PEX5L: variants seen among roughly 807,000 people sequenced by gnomAD.
PEX5L encodes PEX5-related protein.
A neutral mutation model predicts 84.0 loss-of-function variants in PEX5L; 30 were observed. The ratio of observed to expected loss-of-function variants is 0.36; its 90% confidence interval spans 0.27 to 0.48. The LOEUF (loss-of-function observed/expected upper bound fraction) is 0.48, where lower values mean the gene tolerates loss of function less well. Among genes scored for constraint, PEX5L ranks in the 20% least tolerant of loss-of-function variants. The pLI is 0.99. For missense variants in PEX5L, 533 were observed against 754.6 expected (o/e 0.71, Z 3.44); for synonymous variants, 270 against 283.1 (o/e 0.95, Z 0.46).
chr3:179,914,840 A>T (rs1766458291), intron 2 of PEX5L, among the ~76,000 whole-genome samples: 1 of 152,236 alleles, frequency 6.6e-6, no homozygotes, highest in Admixed American at 6.5e-5. Context: ...GCCATGGGAC[A>T]TTTTTATAAT....
At chr3:179,893,196 A>G (rs1758125107) in intron 3 of PEX5L, among the ~76,000 whole-genome samples, 3 of 152,138 alleles carry the variant, frequency 2.0e-5, no homozygotes. Context: ...ATTAGCTACC[A>G]TATCACCAAA....
At chr3:179,955,862 C>T (rs1041182319) in intron 2 of PEX5L, among the ~76,000 whole-genome samples, 2 of 152,030 alleles carry the variant, frequency 1.3e-5, no homozygotes, top group Non-Finnish European at 2.9e-5. Flanking sequence ...TAAAATCATG[C>T]CATACTTTAC....
chr3:179,805,101 A>G (rs1354090416), intron 14 of PEX5L, among the ~76,000 whole-genome samples: 1 of 150,462 alleles, frequency 6.6e-6, no homozygotes, highest in Non-Finnish European at 1.5e-5. Context: ...CCTGGGTGAC[A>G]GAAGCCTCCA....
intron 3 of PEX5L, among the ~76,000 whole-genome samples, chr3:179,890,965 A>C (rs1382888142): frequency 6.7e-6 from 1 of 149,922 alleles, no homozygotes. Flanking sequence ...AAAGGTAAAA[A>C]AATTTTTTTT....
intron 4 of PEX5L, among the ~76,000 whole-genome samples, chr3:179,885,829 A>G (rs921061576): frequency 1.3e-5 from 2 of 152,178 alleles, no homozygotes; most frequent in Middle Eastern, 3.2e-3. Context: ...CATGGGGTGC[A>G]TGGCCCACCT....
chr3:179,821,444 T>C (rs549703246), intron 8 of PEX5L, among the ~76,000 whole-genome samples: 2 of 152,348 alleles, frequency 1.3e-5, no homozygotes, highest in South Asian at 4.1e-4. Flanking sequence ...GCAAGAACTC[T>C]TCTTCAGAGT....
At chr3:179,930,356 A>G (rs1772714867) in intron 2 of PEX5L, among the ~76,000 whole-genome samples, 1 of 152,174 alleles carries the variant, frequency 6.6e-6, no homozygotes, top group African/African-American at 2.4e-5. Flanking sequence ...CTCCTGTTAT[A>G]TATGGAATAA....
chr3:179,991,316 G>A (rs1235940088), intron 1 of PEX5L, among the ~76,000 whole-genome samples: 4 of 152,172 alleles, frequency 2.6e-5, no homozygotes, highest in African/African-American at 7.2e-5. Context: ...GGTTTTACAA[G>A]CATAGTCGCA....
intron 2 of PEX5L, among the ~76,000 whole-genome samples, chr3:179,941,252 C>T (rs941489460): frequency 4.6e-5 from 7 of 152,204 alleles, no homozygotes; most frequent in South Asian, 2.1e-4. Flanking sequence ...TACAGTTCAG[C>T]GGCATTTATA....
At chr3:179,866,520 A>G (rs1364958212) in intron 7 of PEX5L, among the ~76,000 whole-genome samples, 1 of 152,182 alleles carries the variant, frequency 6.6e-6, no homozygotes, top group Non-Finnish European at 1.5e-5. Flanking sequence ...TAAATACACC[A>G]TACATAGGAC....
At chr3:180,034,937 T>C (rs1419759298) in intron 1 of PEX5L, among the ~76,000 whole-genome samples, 3 of 152,152 alleles carry the variant, frequency 2.0e-5, no homozygotes, top group Admixed American at 6.5e-5. Context: ...ACATTCTCCT[T>C]TGAGATATTG....
intron 2 of PEX5L, among the ~76,000 whole-genome samples, chr3:179,916,364 T>C (rs2109311875): frequency 6.6e-6 from 1 of 152,260 alleles, no homozygotes; most frequent in East Asian, 1.9e-4. Flanking sequence ...AACACAATGG[T>C]TAAGCATTTG....
At chr3:179,877,995 G>T (rs945677743) in intron 5 of PEX5L, among the ~76,000 whole-genome samples, 2 of 152,064 alleles carry the variant, frequency 1.3e-5, no homozygotes, top group Admixed American at 6.5e-5. Context: ...CTACACCCAT[G>T]GTTCCAATAT....
chr3:179,912,976 A>G (rs770795609), intron 2 of PEX5L, among the ~76,000 whole-genome samples: 1 of 152,136 alleles, frequency 6.6e-6, no homozygotes, highest in South Asian at 2.1e-4. Context: ...TCATCCTTCA[A>G]AGAAAAAATT....
chr3:179,888,646 T>G (rs372118973), intron 3 of PEX5L, among the ~76,000 whole-genome samples: 3 of 147,176 alleles, frequency 2.0e-5, no homozygotes, highest in Admixed American at 6.8e-5. Context: ...AAATTAACTG[T>G]TTTTTTTGGG....
chr3:180,011,591 G>A (rs377267815), intron 1 of PEX5L, among the ~76,000 whole-genome samples: 47 of 152,282 alleles, frequency 3.1e-4, no homozygotes, highest in East Asian at 1.7e-3. Flanking sequence ...GAAAAAAGGA[G>A]CATTTTTAGT....
chr3:179,949,269 A>G (rs6443681), intron 2 of PEX5L, among the ~76,000 whole-genome samples: 88,752 of 152,036 alleles, frequency 0.58, 26,910 homozygotes, highest in African/African-American at 0.75. Flanking sequence ...GCATCCAGAG[A>G]AAATTACTAC....
chr3:179,942,634 T>C (rs1288635188), intron 2 of PEX5L, among the ~76,000 whole-genome samples: 4 of 152,226 alleles, frequency 2.6e-5, no homozygotes, highest in African/African-American at 7.2e-5. Flanking sequence ...TTCCCAGGAC[T>C]CTGCCTTCAC....
intron 7 of PEX5L, among the ~76,000 whole-genome samples, chr3:179,864,038 A>T (rs1397132322): frequency 6.6e-6 from 1 of 152,052 alleles, no homozygotes; most frequent in Non-Finnish European, 1.5e-5. Context: ...GCTGCCATCC[A>T]TGTAAGATAT....
Sources: gnomAD v4.1 joint callset for allele counts (sites outside exome capture counted in the v4.1 genomes callset) on GRCh38, gnomAD v4.1.1 for gene constraint, MANE v1.5 for transcripts, NCBI Gene and HGNC (gene_info 2026-07-23, HGNC 2026-07-21) for gene names.